Variants in EYS observed in about 807,000 individuals in gnomAD.
EYS encodes the protein EGF-like photoreceptor maintenance factor.
A neutral mutation model predicts 282.1 loss-of-function variants in EYS; 250 were observed. That is an observed-to-expected ratio of 0.89 (90% confidence interval 0.80 to 0.98). EYS has a LOEUF of 0.98. Ranked by LOEUF, EYS falls within the 50% of genes least tolerant of loss-of-function variation. The pLI is 0.00. For synonymous variants in EYS, 1,355 were observed against 1,282.9 expected, an observed-to-expected ratio of 1.06 and a Z score of -1.20; for missense variants, 4,016 against 3,709.0, an observed-to-expected ratio of 1.08 and a Z score of -2.15.
intron 29 of EYS, among the ~76,000 whole-genome samples, chr6:64,353,654 A>C (rs1402293891): frequency 6.6e-6 from 1 of 151,636 alleles, no homozygotes. Context: ...ATATTAAATT[A>C]TCAAACATTT....
intron 31 of EYS, among the ~76,000 whole-genome samples, chr6:64,196,672 CT>C (rs1022840651): frequency 6.8e-6 from 1 of 147,838 alleles, no homozygotes; most frequent in Non-Finnish European, 1.5e-5. Context: ...CATGTTCTCA[CT>C]CATAGATGGG....
At chr6:65,424,724 G>A (rs1273860517) in intron 5 of EYS, among the ~76,000 whole-genome samples, 1 of 151,956 alleles carries the variant, frequency 6.6e-6, no homozygotes, top group African/African-American at 2.4e-5. Flanking sequence ...GATGATGTGT[G>A]TTACATTAAC....
intron 35 of EYS, among the ~76,000 whole-genome samples, chr6:63,904,331 C>CA (rs761329330): frequency 6.6e-6 from 1 of 151,546 alleles, no homozygotes; most frequent in Non-Finnish European, 1.5e-5. Context: ...CTTACCCAAC[C>CA]TTTTTTTTTC....
chr6:64,735,761 G>A (rs1026988544), intron 22 of EYS, among the ~76,000 whole-genome samples: 1 of 152,080 alleles, frequency 6.6e-6, no homozygotes, highest in Non-Finnish European at 1.5e-5. Context: ...CATAAATGTA[G>A]TTTGGCTATT....
chr6:65,526,613 G>T (rs935313394), intron 2 of EYS, among the ~76,000 whole-genome samples: 13 of 152,078 alleles, frequency 8.5e-5, no homozygotes, highest in Non-Finnish European at 1.8e-4. Flanking sequence ...AGACCATCTT[G>T]GCTAACACGG....
At chr6:64,319,888 C>G (rs1418722550) in intron 29 of EYS, among the ~76,000 whole-genome samples, 1 of 151,996 alleles carries the variant, frequency 6.6e-6, no homozygotes, top group Non-Finnish European at 1.5e-5. Context: ...TCATCCCCAC[C>G]TGGCACTCTT....
At chr6:64,893,955 C>T (rs575527927) in intron 18 of EYS, among the ~76,000 whole-genome samples, 1 of 152,064 alleles carries the variant, frequency 6.6e-6, no homozygotes, top group South Asian at 2.1e-4. Context: ...AATTATCCTC[C>T]ATTCCTCTCT....
chr6:65,132,491 G>A (rs9689785), intron 12 of EYS, among the ~76,000 whole-genome samples: 3 of 151,766 alleles, frequency 2.0e-5, no homozygotes, highest in Admixed American at 2.0e-4. Context: ...TGCATAAAAG[G>A]CTTTCAATAA....
chr6:65,415,858 T>C (rs1767211797), intron 5 of EYS, among the ~76,000 whole-genome samples: 1 of 152,084 alleles, frequency 6.6e-6, no homozygotes, highest in African/African-American at 2.4e-5. Context: ...TCAAAATTTA[T>C]GGGCAGTGTC....
rs552374958 is a variant in EYS at position 63,899,067 on chromosome 6, G to GA, written c.7056-34710dup. On this transcript the variant is annotated intron_variant, in intron 35 of 42. Transcript: ENST00000503581. ...GGTTAAGCTGAAAACAGCTAAAATG[G>GA]AAAAAAAGAGAGTGCAGATTATTAC... Among the ~76,000 whole-genome samples, 14 of 152,050 alleles carry GA rather than the reference G, an allele frequency of 9.2e-5. No homozygotes were observed. In the South Asian group the frequency reaches 2.9e-3, roughly 32 times the overall value.
intron 1 of EYS, among the ~76,000 whole-genome samples, chr6:65,698,414 T>A (rs919208203): frequency 6.6e-6 from 1 of 152,144 alleles, no homozygotes; most frequent in African/African-American, 2.4e-5. Flanking sequence ...AATGCATCGA[T>A]TAAATATGAA....
At chr6:65,594,114 C>A (rs1484839305) in intron 2 of EYS, among the ~76,000 whole-genome samples, 1 of 151,840 alleles carries the variant, frequency 6.6e-6, no homozygotes, top group African/African-American at 2.4e-5. Flanking sequence ...TAGGTTATTG[C>A]TTACTTTACT....
At chr6:64,017,109 C>G (rs1258448516) in intron 33 of EYS, among the ~76,000 whole-genome samples, 1 of 151,816 alleles carries the variant, frequency 6.6e-6, no homozygotes. Context: ...TATATGAGTG[C>G]AAAGGCAAGG....
intron 35 of EYS, among the ~76,000 whole-genome samples, chr6:63,934,498 C>G (rs576581137): frequency 1.3e-5 from 2 of 152,162 alleles, no homozygotes; most frequent in South Asian, 4.2e-4. Flanking sequence ...TGGAACCAAC[C>G]CAAACGTCCA....
intron 16 of EYS, among the ~76,000 whole-genome samples, chr6:64,906,846 T>A (rs939296583): frequency 6.6e-6 from 1 of 152,024 alleles, no homozygotes; most frequent in African/African-American, 2.4e-5. Context: ...GAAAGTGGAG[T>A]AATTCAAAGT....
At chr6:64,029,522 G>A (rs1016665897) in intron 33 of EYS, among the ~76,000 whole-genome samples, 5 of 152,316 alleles carry the variant, frequency 3.3e-5, no homozygotes, top group East Asian at 1.9e-4. Flanking sequence ...AAAAATGCAC[G>A]TGTGTGGCCC....
At chr6:64,680,548 C>T (rs1359343184) in intron 22 of EYS, among the ~76,000 whole-genome samples, 1 of 152,102 alleles carries the variant, frequency 6.6e-6, no homozygotes, top group Non-Finnish European at 1.5e-5. Context: ...GATATTGTAT[C>T]TCACTGGAAA....
intron 31 of EYS, among the ~76,000 whole-genome samples, chr6:64,170,871 C>G (rs1426875725): frequency 6.6e-6 from 1 of 152,016 alleles, no homozygotes; most frequent in African/African-American, 2.4e-5. Flanking sequence ...CCAATCCCAA[C>G]TTTTTCTCAT....
At chr6:64,289,259 T>C (rs1582541076) in intron 30 of EYS, among the ~76,000 whole-genome samples, 1 of 152,108 alleles carries the variant, frequency 6.6e-6, no homozygotes, top group Non-Finnish European at 1.5e-5. Context: ...ACTCCCACTT[T>C]AGAACAAAGT....
Sources: gnomAD v4.1 joint callset for allele counts (sites outside exome capture counted in the v4.1 genomes callset) on GRCh38, gnomAD v4.1.1 for gene constraint, MANE v1.5 for transcripts, NCBI Gene and HGNC (gene_info 2026-07-23, HGNC 2026-07-21) for gene names.